R3HDM1: variants seen among roughly 807,000 people sequenced by gnomAD.
R3HDM1 encodes R3H domain-containing protein 1.
R3HDM1 carries 46 observed loss-of-function variants against 141.1 expected under a neutral mutation model. The ratio of observed to expected loss-of-function variants is 0.33; its 90% CI spans 0.26 to 0.42. The LOEUF (loss-of-function observed/expected upper bound fraction) is 0.42, where lower values mean the gene tolerates loss of function less well. R3HDM1 is among the 10% of genes least tolerant of loss of function. The probability of loss-of-function intolerance (pLI) is 1.00; values close to 1 mark genes in which losing one functional copy is unlikely to be tolerated. For missense variants in R3HDM1, 1,184 were observed against 1,368.3 expected, an observed-to-expected ratio of 0.87 and a Z score of 2.12; for synonymous variants, 435 against 472.9, an observed-to-expected ratio of 0.92 and a Z score of 1.04.
intron 1 of R3HDM1, among the ~76,000 whole-genome samples, chr2:135,568,515 A>AT (rs1234428597): frequency 6.7e-6 from 1 of 149,912 alleles, no homozygotes; most frequent in Non-Finnish European, 1.5e-5. Context: ...CACCCGGCTA[A>AT]TTTTTTGTAT....
At chr2:135,624,812 T>C (rs903798192) in intron 7 of R3HDM1, among the ~76,000 whole-genome samples, 2 of 152,094 alleles carry the variant, frequency 1.3e-5, no homozygotes, top group Non-Finnish European at 2.9e-5. Context: ...TAGAAAAGAA[T>C]GGAGAGGAAA....
chr2:135,669,599 G>A (rs2068026350), intron 19 of R3HDM1: 5 of 983,802 alleles, frequency 5.1e-6, no homozygotes, highest in Non-Finnish European at 6.0e-6. Context: ...TCTTCAACAT[G>A]TGTTCCTCAA....
intron 3 of R3HDM1, among the ~76,000 whole-genome samples, chr2:135,609,700 G>GT (rs1286713283): frequency 6.6e-6 from 1 of 152,072 alleles, no homozygotes; most frequent in Non-Finnish European, 1.5e-5. Context: ...TCACCGATGG[G>GT]TTTCCATTGT....
At position 135,636,092 on chromosome 2, in the gene R3HDM1, G is replaced by C; in HGVS notation, c.812G>C (p.Arg271Thr). The change falls in exon 11 of 27, where the codon AGA becomes ACA. Residue 271 changes from arginine to threonine, a missense_variant. Arg to Thr is a moderately conservative substitution (Grantham distance 71). This residue lies in a region of R3HDM1 where 240 missense variants were observed against 312.3 expected (regional missense o/e 0.77). Transcript: ENST00000683871. ...AAATTATCCTCTTTTCTGTAGATGA[G>C]AATACGTTTGAAAGATGACAGAAGA... is the stretch of plus-strand genomic sequence containing the variant. ...SSFDKDDNQM[R>T]IRLKDDRRSK... The C allele has an allele frequency of 6.2e-7, 1 of 1,612,938 alleles. No homozygotes were observed. The highest frequency in any genetic ancestry group is 8.5e-7 in the Non-Finnish European group (1 of 1,179,472).
At chr2:135,610,012 C>G (rs1205203510) in intron 3 of R3HDM1, among the ~76,000 whole-genome samples, 4 of 151,952 alleles carry the variant, frequency 2.6e-5, no homozygotes, top group Non-Finnish European at 4.4e-5. Flanking sequence ...CCACTCTACT[C>G]CAGCCTGGGT....
intron 20 of R3HDM1, among the ~76,000 whole-genome samples, chr2:135,676,290 C>T (rs1475085463): frequency 1.4e-5 from 2 of 143,528 alleles, no homozygotes; most frequent in African/African-American, 5.1e-5. Context: ...GCACTCCAGC[C>T]TGGGCAACAG....
chr2:135,722,689 G>T (rs1337433050), intron 26 of R3HDM1, 136 bp downstream of exon 26: 2 of 783,552 alleles, frequency 2.6e-6, no homozygotes, highest in South Asian at 1.8e-5. Context: ...CTGATTTAGG[G>T]TTCTTGGATA....
intron 1 of R3HDM1, chr2:135,584,359 T>C (rs2105038775): frequency 1.1e-6 from 1 of 923,122 alleles, no homozygotes; most frequent in East Asian, 1.2e-4. Context: ...CTCAAATTTC[T>C]GTTATTGAGG....
At chr2:135,688,691 C>G (rs1575033047) in intron 21 of R3HDM1, among the ~76,000 whole-genome samples, 1 of 152,128 alleles carries the variant, frequency 6.6e-6, no homozygotes, top group Non-Finnish European at 1.5e-5. Flanking sequence ...GATCCCAGCA[C>G]TTTGGGAGGC....
rs192804060 is a variant in R3HDM1 at position 135,721,867 on chromosome 2, C to T, written c.2882-57C>T. On this transcript the variant is annotated intron_variant, in intron 24 of 26. Coordinates refer to ENST00000683871, the MANE Select transcript of R3HDM1 (RefSeq NM_001378107.1). ...CCTCCCAAATTGCTAGGATTACAGG[C>T]ATGAACCACCGTGCCCGGCCTCTGG... is the stretch of plus-strand genomic sequence containing the variant. 23 of 1,474,972 alleles carry T rather than the reference C, an allele frequency of 1.6e-5. No individual in the cohort carries two copies. In the Admixed American group the frequency reaches 2.6e-4, roughly 17 times the overall value. 91.4% of individuals were successfully genotyped at this position (1,474,972 alleles called of 1,614,324 possible).
intron 21 of R3HDM1, among the ~76,000 whole-genome samples, chr2:135,689,825 A>G (rs1488998461): frequency 3.3e-5 from 5 of 152,226 alleles, no homozygotes; most frequent in African/African-American, 7.2e-5. Flanking sequence ...AGAGAAAATT[A>G]GTTTGATACC....
intron 1 of R3HDM1, among the ~76,000 whole-genome samples, chr2:135,561,908 C>T (rs893077081): frequency 3.3e-5 from 5 of 152,050 alleles, no homozygotes; most frequent in African/African-American, 1.2e-4. Flanking sequence ...ATAGGCTTGG[C>T]GTTTTGTTTA....
At position 135,627,714 on chromosome 2, in the gene R3HDM1, C is replaced by T. The variant is rs188238820; in HGVS notation, c.498-4004C>T. Among the ~76,000 whole-genome samples the T allele has an allele frequency of 9.9e-5, 15 of 152,074 alleles. No individual in the cohort carries two copies. In the East Asian group the frequency reaches 2.3e-3, roughly 23 times the overall value. ...ATTTGTTTTGCTCTAGGGAACGTCA[C>T]GTATTTGTTCTCTGAAATATCTTCT... On this transcript the variant is annotated intron_variant, in intron 7 of 26. Coordinates refer to ENST00000683871, the MANE Select transcript of R3HDM1 (RefSeq NM_001378107.1).
rs776621558 is a variant in R3HDM1, at chr2:135,651,713, A to T, written c.1726-17A>T. On this transcript the variant is annotated splice_polypyrimidine_tract_variant and intron_variant, in intron 17 of 26. Transcript: ENST00000683871. Reference sequence around the variant, plus strand: ...TGTGTAGAAGGCTTACTAATTTTTGACTTCTTCCTTTTTTAGCAGGATAAC... The same window carrying T: ...TGTGTAGAAGGCTTACTAATTTTTGTCTTCTTCCTTTTTTAGCAGGATAAC... The T allele has an allele frequency of 2.5e-6, 4 of 1,580,776 alleles. No homozygotes were observed. The East Asian group carries it at 6.8e-5, about 27-fold the overall frequency.
chr2:135,616,143 T>G lies in R3HDM1; in HGVS notation c.172-9T>G. ...TGAAATTTAATACAAATCTTTCTTGTATATTCAGCGGCCATTGCAGTCATT... is the reference window on the plus strand; with the variant it reads ...TGAAATTTAATACAAATCTTTCTTGGATATTCAGCGGCCATTGCAGTCATT... On this transcript the variant is annotated splice_polypyrimidine_tract_variant and intron_variant, in intron 3 of 26. Coordinates refer to ENST00000683871, the MANE Select transcript of R3HDM1 (RefSeq NM_001378107.1). The G allele has an allele frequency of 6.2e-7, 1 of 1,611,002 alleles. No individual in the cohort carries two copies. The highest frequency in any genetic ancestry group is 8.5e-7 in the Non-Finnish European group (1 of 1,177,218).
At chr2:135,634,181 G>A (rs1378640303) in intron 9 of R3HDM1, among the ~76,000 whole-genome samples, 1 of 151,890 alleles carries the variant, frequency 6.6e-6, no homozygotes, top group Admixed American at 6.6e-5. Context: ...ATATATTTAT[G>A]TACAAATCTG....
chr2:135,675,473 TG>T lies in R3HDM1; in HGVS notation c.2295del (p.Pro766GlnfsTer54). Reference sequence around the variant, plus strand: ...GGAGTGGTCATCCCCTATACTTCAGTGCCAACATATCAGGTATATTGTCTCT... The same window carrying T: ...GGAGTGGTCATCCCCTATACTTCAGTCCAACATATCAGGTATATTGTCTCT... ...IQGVVIPYTS[V>X]PTYQVSLPQG... On this transcript the variant is annotated frameshift_variant, in exon 20 of 27. Coordinates refer to ENST00000683871, the MANE Select transcript of R3HDM1 (RefSeq NM_001378107.1). LOFTEE classifies it high-confidence loss of function. The T allele has an allele frequency of 6.2e-7, 1 of 1,613,452 alleles. No homozygotes were observed. Among genetic ancestry groups the T allele is most frequent in the Non-Finnish European group, 8.5e-7 (1 of 1,179,544 alleles).
At chr2:135,590,964 G>GA (rs376425002) in intron 1 of R3HDM1, among the ~76,000 whole-genome samples, 1 of 151,962 alleles carries the variant, frequency 6.6e-6, no homozygotes, top group Non-Finnish European at 1.5e-5. Context: ...TCCTTTGTTA[G>GA]AAAAAAATGT....
intron 21 of R3HDM1, among the ~76,000 whole-genome samples, chr2:135,699,037 AGATAGATAAGAT>A (rs2073794018): frequency 1.0e-5 from 1 of 99,812 alleles, no homozygotes; most frequent in South Asian, 3.1e-4. Context: ...ATAGATAGAT[AGATAGATAAGAT>A]AGATAAGATA....
Sources: gnomAD v4.1 joint callset for allele counts (sites outside exome capture counted in the v4.1 genomes callset) on GRCh38, gnomAD v4.1.1 for gene constraint, gnomAD v4.1.1 regional missense constraint, MANE v1.5 for transcripts, NCBI Gene and HGNC (gene_info 2026-07-23, HGNC 2026-07-21) for gene names.